SLC14A2: variants seen among roughly 807,000 people sequenced by gnomAD.
SLC14A2 encodes the protein solute carrier family 14 member 2, also known as urea transporter 2.
SLC14A2 carries 91 observed loss-of-function variants against 104.6 expected under a neutral mutation model. The ratio of observed to expected loss-of-function variants is 0.87; its 90% CI spans 0.73 to 1.04. The LOEUF (loss-of-function observed/expected upper bound fraction) is 1.04. Among genes scored for constraint, SLC14A2 ranks in the 50% least tolerant of loss-of-function variants. The pLI is 0.00. For synonymous variants in SLC14A2, 476 were observed against 466.4 expected (o/e 1.02, Z -0.27); for missense variants, 1,189 against 1,156.0 (o/e 1.03, Z -0.41).
chr18:45,338,911 C>A (rs867735049), intron 1 of SLC14A2, among the ~76,000 whole-genome samples: 2 of 151,356 alleles, frequency 1.3e-5, no homozygotes, highest in African/African-American at 4.9e-5. Context: ...AAAGTGACAA[C>A]AAAATTGCTC....
intron 1 of SLC14A2, among the ~76,000 whole-genome samples, chr18:45,233,137 A>G (rs2084191208): frequency 6.6e-6 from 1 of 152,152 alleles, no homozygotes; most frequent in Admixed American, 6.5e-5. Context: ...TGGTTCAACA[A>G]TGGAATCCAC....
chr18:45,527,657 T>C (rs570481492), intron 2 of SLC14A2, among the ~76,000 whole-genome samples: 9 of 152,224 alleles, frequency 5.9e-5, no homozygotes, highest in Non-Finnish European at 1.0e-4. Flanking sequence ...TGGATACTTA[T>C]AGCAGCCATG....
chr18:45,670,067 G>A (rs1211786331), intron 16 of SLC14A2, among the ~76,000 whole-genome samples: 1 of 152,184 alleles, frequency 6.6e-6, no homozygotes, highest in Non-Finnish European at 1.5e-5. Flanking sequence ...GTTTGAGGCT[G>A]CAGTGCGCTG....
chr18:45,598,315 G>C (rs1341604754), intron 2 of SLC14A2, among the ~76,000 whole-genome samples: 1 of 152,050 alleles, frequency 6.6e-6, no homozygotes, highest in African/African-American at 2.4e-5. Context: ...AGACATTCAA[G>C]ACCCGAGGGC....
intron 1 of SLC14A2, among the ~76,000 whole-genome samples, chr18:45,356,087 C>T (rs1028781956): frequency 1.3e-5 from 2 of 152,148 alleles, no homozygotes; most frequent in Admixed American, 6.5e-5. Context: ...GATTTGTGGA[C>T]ATGCCAAGTT....
chr18:45,405,753 G>T (rs1345422234), intron 1 of SLC14A2, among the ~76,000 whole-genome samples: 1 of 152,030 alleles, frequency 6.6e-6, no homozygotes, highest in Non-Finnish European at 1.5e-5. Flanking sequence ...AAAAAAATTA[G>T]CTGGGCATTG....
intron 1 of SLC14A2, among the ~76,000 whole-genome samples, chr18:45,384,636 C>T (rs1369550324): frequency 6.6e-6 from 1 of 152,006 alleles, no homozygotes; most frequent in Admixed American, 6.6e-5. Context: ...CCGCCCCCAA[C>T]CAAAAGGTAT....
upstream of SLC14A2, among the ~76,000 whole-genome samples, chr18:45,210,572 G>A (rs1269440782): frequency 6.6e-6 from 1 of 152,196 alleles, no homozygotes; most frequent in African/African-American, 2.4e-5. Context: ...GCGTAATGCT[G>A]TTTTGAAAGA....
At chr18:45,474,656 T>G (rs955723042) in intron 1 of SLC14A2, among the ~76,000 whole-genome samples, 1 of 152,238 alleles carries the variant, frequency 6.6e-6, no homozygotes, top group Non-Finnish European at 1.5e-5. Flanking sequence ...TTTTCTAGTT[T>G]ATTTGCATAG....
intron 2 of SLC14A2, among the ~76,000 whole-genome samples, chr18:45,503,304 A>G (rs1218540648): frequency 6.6e-6 from 1 of 152,114 alleles, no homozygotes; most frequent in Non-Finnish European, 1.5e-5. Flanking sequence ...TCAGGGAACA[A>G]GCTCTACAAG....
At position 45,667,103 on chromosome 18, in the gene SLC14A2, C is replaced by T. The variant is rs2046039042; in HGVS notation, c.1717+9C>T. ...TGGAGAGGGACTTAAAGGTAAAATT[C>T]TATGAGAACAACACTGACCCTGACC... On this transcript the variant is annotated intron_variant, in intron 13 of 19. Transcript: ENST00000255226. 2 of 1,610,672 alleles carry T rather than the reference C, an allele frequency of 1.2e-6. No homozygotes were observed. Among genetic ancestry groups the T allele is most frequent in the South Asian group, 1.1e-5 (1 of 90,640 alleles).
At chr18:45,371,111 G>T (rs964736804) in intron 1 of SLC14A2, among the ~76,000 whole-genome samples, 1 of 152,130 alleles carries the variant, frequency 6.6e-6, no homozygotes, top group Non-Finnish European at 1.5e-5. Flanking sequence ...TGGCTTGGTG[G>T]TACAGATACC....
intron 1 of SLC14A2, among the ~76,000 whole-genome samples, chr18:45,308,250 G>A (rs142772111): frequency 2.0e-5 from 3 of 152,246 alleles, no homozygotes; most frequent in East Asian, 1.9e-4. Flanking sequence ...AGCTCTGTGT[G>A]CATGTTTATC....
chr18:45,435,135 C>T (rs770406175), intron 1 of SLC14A2: 5 of 152,168 alleles, frequency 3.3e-5, no homozygotes, highest in African/African-American at 4.8e-5. Flanking sequence ...CTTTAATATA[C>T]AGTTCTCTGC....
chr18:45,392,547 G>C (rs2085982138), intron 1 of SLC14A2, among the ~76,000 whole-genome samples: 1 of 152,114 alleles, frequency 6.6e-6, no homozygotes, highest in Non-Finnish European at 1.5e-5. Context: ...ATTTGCTTTA[G>C]ATGTTATATA....
At chr18:45,238,747 C>T (rs1263272066) in intron 1 of SLC14A2, among the ~76,000 whole-genome samples, 7 of 152,124 alleles carry the variant, frequency 4.6e-5, no homozygotes, top group Non-Finnish European at 5.9e-5. Context: ...GAAGCGTATA[C>T]GTACAACTAA....
chr18:45,434,199 C>A (rs1165626396), intron 1 of SLC14A2, among the ~76,000 whole-genome samples: 1 of 152,124 alleles, frequency 6.6e-6, no homozygotes, highest in Admixed American at 6.6e-5. Flanking sequence ...CAGAGGCAGA[C>A]ACCATATTTT....
chr18:45,238,441 G>A (rs1419337644), intron 1 of SLC14A2, among the ~76,000 whole-genome samples: 2 of 152,112 alleles, frequency 1.3e-5, no homozygotes, highest in South Asian at 2.1e-4. Context: ...AGACTTTGAG[G>A]GATTGCTACT....
At chr18:45,177,324 ATTCTAGCAT>A in the SLC14A2 span, among the ~76,000 whole-genome samples, 1 of 152,108 alleles carries the variant, frequency 6.6e-6, no homozygotes, top group Admixed American at 6.6e-5. Context: ...CTGAAGACCA[ATTCTAGCAT>A]ATCAATCACT....
Sources: allele counts gnomAD v4.1 joint callset (sites outside exome capture counted in the v4.1 genomes callset), GRCh38; gene constraint gnomAD v4.1.1; transcripts MANE v1.5; gene names NCBI Gene and HGNC (gene_info 2026-07-23, HGNC 2026-07-21).